The following SET variants were observed in gnomAD, a reference collection of about 807,000 sequenced individuals.
SET encodes protein SET.
SET carries 4 observed loss-of-function variants against 39.0 expected under a neutral mutation model. That is an observed-to-expected ratio of 0.10 (90% CI 0.05 to 0.23). The LOEUF is 0.23. Ranked by LOEUF, SET falls within the 10% of genes least tolerant of loss-of-function variation. The probability of loss-of-function intolerance (pLI) is 1.00; values close to 1 mark genes in which losing one functional copy is unlikely to be tolerated. For missense variants in SET, 137 were observed against 329.7 expected (o/e 0.42, Z 4.53); for synonymous variants, 114 against 115.9 (o/e 0.98, Z 0.11).
upstream of SET, chr9:128,684,999 C>A (rs1861237188): frequency 2.1e-6 from 3 of 1,440,598 alleles, no homozygotes; most frequent in Non-Finnish European, 2.7e-6. Context: ...TGTGGTGGAG[C>A]CTTCCTGGGC....
chr9:128,689,214 G>GCGCCCGCCCCT (rs1861398361), upstream of SET: 1 of 991,724 alleles, frequency 1.0e-6, no homozygotes. Flanking sequence ...CCTGCGCCCT[G>GCGCCCGCCCCT]CGCCCGCCCC....
Position 128,695,125 on chromosome 9 carries a change from GTCTACTT to G in SET, c.*465_*471del, listed in dbSNP as rs1207794594. 2 of 224,080 alleles carry G rather than the reference GTCTACTT, an allele frequency of 8.9e-6. No individual in the cohort carries two copies. The highest frequency in any genetic ancestry group is 1.8e-5 in the Non-Finnish European group (2 of 111,610). The allele number at this position is 224,080 out of a possible 1,614,324, so 13.9% of individuals were successfully genotyped here. On this transcript the variant is annotated 3_prime_UTR_variant, in exon 8 of 8. Coordinates refer to ENST00000322030, the MANE Select transcript of SET (RefSeq NM_003011.4). ...AGTTAGCATTTACCAACATGTATCT[GTCTACTT>G]TCTCTTGTTTAAAAAAAGAAAAAAA... is the stretch of plus-strand genomic sequence containing the variant.
upstream of SET, among the ~76,000 whole-genome samples, chr9:128,688,765 G>A (rs1861375533): frequency 1.3e-5 from 2 of 152,160 alleles, no homozygotes; most frequent in African/African-American, 2.4e-5. Flanking sequence ...TCCCCATCTG[G>A]CATCCAGAAT....
At chr9:128,683,770 T>C in exon 1 of SET, 1 of 727,406 alleles carries the variant, frequency 1.4e-6, no homozygotes. Context: ...CATGTAAATA[T>C]CCCTTCCAGG....
At chr9:128,688,509 G>A (rs956147820), upstream of SET, among the ~76,000 whole-genome samples, 1 of 152,136 alleles carries the variant, frequency 6.6e-6, no homozygotes, top group Non-Finnish European at 1.5e-5. Context: ...TGATTCTTGC[G>A]GGCGCTGGGC....
chr9:128,688,994 T>G (rs1015554774), upstream of SET, among the ~76,000 whole-genome samples: 4 of 151,238 alleles, frequency 2.6e-5, no homozygotes, highest in Admixed American at 2.0e-4. Context: ...CGCGCGCCAG[T>G]GTCCTGGGTC....
chr9:128,685,811 CA>C (rs1861263968), upstream of SET, among the ~76,000 whole-genome samples: 1 of 152,128 alleles, frequency 6.6e-6, no homozygotes, highest in African/African-American at 2.4e-5. Flanking sequence ...GTGGGCAGAT[CA>C]CCTGAGGTCA....
chr9:128,692,966 A>C lies in SET; in HGVS notation c.477A>C (p.Lys159Asn), dbSNP rs1390029009. 4 of 1,592,350 alleles carry C rather than the reference A, an allele frequency of 2.5e-6. No individual in the cohort carries two copies. The East Asian group carries it at 8.9e-5, about 36-fold the overall frequency. Residue 159 changes from lysine (K) to asparagine (N), a missense_variant, in exon 5 of 8, where the codon AAA (lysine) becomes AAC (asparagine). This residue lies in a region of SET where 59 missense variants were observed against 237.2 expected (regional missense o/e 0.25). Coordinates refer to ENST00000322030, the MANE Select transcript of SET (RefSeq NM_003011.4). ...CATCTTCGAAGTCCACCGAAATCAA[A>C]TGGAAATCTGGAAAGGTATGTTTTG... ...GDPSSKSTEI[K>N]WKSGKDLTKR...
chr9:128,694,789 G>T lies in SET; in HGVS notation c.*125G>T. 1 of 544,618 alleles carries T rather than the reference G, an allele frequency of 1.8e-6. No homozygotes were observed. The highest frequency in any genetic ancestry group is 3.1e-6 in the Non-Finnish European group (1 of 321,160). The allele number at this position is 544,618 out of a possible 1,614,324, so 33.7% of individuals were successfully genotyped here. Reference sequence around the variant, plus strand: ...TTGTGCTCAGTCGCCCTGTTCTTGAGGTCTCTTTTCTCTACTCCATGGTTC... The same window carrying T: ...TTGTGCTCAGTCGCCCTGTTCTTGATGTCTCTTTTCTCTACTCCATGGTTC... On this transcript the variant is annotated 3_prime_UTR_variant, in exon 8 of 8. Transcript: ENST00000322030.
At chr9:128,685,892 C>T (rs1185683592), upstream of SET, among the ~76,000 whole-genome samples, 3 of 152,046 alleles carry the variant, frequency 2.0e-5, no homozygotes, top group South Asian at 6.2e-4. Flanking sequence ...CCAGGCGTGA[C>T]GATGCATGCC....
chr9:128,693,702 C>T lies in SET; in HGVS notation c.557C>T (p.Pro186Leu). 6.2e-7 allele frequency: 1 copy of T among 1,613,752 alleles called. No individual in the cohort carries two copies. Among genetic ancestry groups the T allele is most frequent in the Non-Finnish European group, 8.5e-7 (1 of 1,179,998 alleles). The change falls in exon 6 of 8, where the codon CCA (proline) becomes CTA (leucine). Residue 186 changes from proline to leucine, a missense_variant. Around this residue, in one of 3 missense-constraint regions of SET, gnomAD observed 59 missense variants for 237.2 expected, o/e 0.25. Transcript: ENST00000322030. The part of the protein sequence containing the change: ...KASRKRQHEE[P>L]ESFFTWFTDH... ...AGCAGGAAGAGGCAGCATGAGGAAC[C>T]AGAGAGCTTCTTTACCTGGTTTACT...
chr9:128,694,106 G>A (rs12344399), intron 7 of SET, 64 bp downstream of exon 7: 35 of 1,001,634 alleles, frequency 3.5e-5, no homozygotes, highest in East Asian at 8.3e-5. Context: ...ATTTTGGGGT[G>A]TATATATATA....
intron 3 of SET, chr9:128,692,364 A>G (rs961063796): frequency 9.4e-6 from 2 of 213,712 alleles, no homozygotes; most frequent in Admixed American, 1.6e-4. Context: ...GCGCTTTTGC[A>G]TTCCAGCCTG....
intron 5 of SET, among the ~76,000 whole-genome samples, 198 bp from the exon 6 acceptor site, chr9:128,693,440 T>C (rs1001661172): frequency 6.6e-6 from 1 of 152,226 alleles, no homozygotes; most frequent in African/African-American, 2.4e-5. Flanking sequence ...GAACTAATTT[T>C]ATGGAAAACC....
At chr9:128,690,111 C>A in intron 1 of SET, 1 of 306,394 alleles carries the variant, frequency 3.3e-6, no homozygotes, top group Non-Finnish European at 4.8e-6. Flanking sequence ...GGCACCCCCG[C>A]CCAGAGGCTG....
At chr9:128,690,005 C>G (rs1037528151) in intron 1 of SET, 1 of 1,043,776 alleles carries the variant, frequency 9.6e-7, no homozygotes, top group African/African-American at 1.7e-5. Flanking sequence ...TCGCTCCCAT[C>G]AGCCGCCGCC....
chr9:128,691,107 ATT>A (rs755667823), intron 1 of SET, 61 bp from the exon 2 acceptor site: 1 of 1,283,178 alleles, frequency 7.8e-7, no homozygotes, highest in East Asian at 2.3e-5. Flanking sequence ...ATATTATAGT[ATT>A]AACATCTGGA....
Position 128,693,497 on chromosome 9 carries a change from C to G in SET, c.493-141C>G, listed in dbSNP as rs972020125. 12 of 900,098 alleles carry G rather than the reference C, an allele frequency of 1.3e-5. No individual in the cohort carries two copies. The African/African-American group carries it at 2.0e-4, about 15-fold the overall frequency. 55.8% of individuals were successfully genotyped at this position (900,098 alleles called of 1,614,324 possible). A position where few individuals can be genotyped will look rare whatever the true frequency, so the allele number is the denominator to read the frequency against. Reference sequence around the variant, plus strand: ...TACCTGCTGCACAGTTTTATAATTGCTCTTAGGTAATAATGGTAGCGTAGA... The same window carrying G: ...TACCTGCTGCACAGTTTTATAATTGGTCTTAGGTAATAATGGTAGCGTAGA... On this transcript the variant is annotated intron_variant, in intron 5 of 7. Transcript: ENST00000322030.
chr9:128,694,396 T>C (rs1402004502), intron 7 of SET, among the ~76,000 whole-genome samples: 1 of 152,192 alleles, frequency 6.6e-6, no homozygotes, highest in Non-Finnish European at 1.5e-5. Context: ...AATTTCTGAA[T>C]AGTCAAATTA....
Sources: allele counts gnomAD v4.1 joint callset (sites outside exome capture counted in the v4.1 genomes callset), GRCh38; gene constraint gnomAD v4.1.1; regional missense constraint gnomAD v4.1.1; transcripts MANE v1.5; gene names NCBI Gene and HGNC (gene_info 2026-07-23, HGNC 2026-07-21).